Variants in GHR observed in about 807,000 individuals in gnomAD.
GHR encodes growth hormone receptor, also known as GH receptor.
A neutral mutation model predicts 67.1 loss-of-function variants in GHR; 35 were observed. That is an observed-to-expected ratio of 0.52 (90% CI 0.40 to 0.69). The LOEUF (loss-of-function observed/expected upper bound fraction) is 0.69, where lower values mean the gene tolerates loss of function less well. Ranked by LOEUF, GHR falls within the 30% of genes least tolerant of loss-of-function variation. The pLI, the probability that GHR is intolerant of heterozygous loss-of-function variation, is 0.00. For synonymous variants in GHR, 272 were observed against 269.1 expected (o/e 1.01, Z -0.10); for missense variants, 792 against 764.6 (o/e 1.04, Z -0.42).
intron 1 of GHR, among the ~76,000 whole-genome samples, chr5:42,520,243 A>C (rs1037263847): frequency 1.3e-5 from 2 of 152,164 alleles, no homozygotes; most frequent in African/African-American, 4.8e-5. Flanking sequence ...AACAGTGCCA[A>C]GACAAATCCT....
intron 1 of GHR, among the ~76,000 whole-genome samples, chr5:42,532,946 C>G (rs908978243): frequency 6.6e-6 from 1 of 152,088 alleles, no homozygotes; most frequent in South Asian, 2.1e-4. Context: ...GTTCTTCTCA[C>G]ATATATATCA....
intron 2 of GHR, among the ~76,000 whole-genome samples, chr5:42,584,608 A>G (rs1414438793): frequency 6.6e-6 from 1 of 152,172 alleles, no homozygotes; most frequent in Non-Finnish European, 1.5e-5. Context: ...GTGGTTTTTC[A>G]TAATTTTATC....
intron 1 of GHR, among the ~76,000 whole-genome samples, chr5:42,551,600 T>G (rs1005352597): frequency 6.6e-6 from 1 of 152,182 alleles, no homozygotes; most frequent in Non-Finnish European, 1.5e-5. Context: ...AGTAACCAAC[T>G]GGGTGAACCC....
intron 1 of GHR, among the ~76,000 whole-genome samples, chr5:42,503,259 A>G (rs764614575): frequency 6.6e-6 from 1 of 152,186 alleles, no homozygotes; most frequent in African/African-American, 2.4e-5. Context: ...CTTGTTTTGT[A>G]CTTAGAGGAT....
At chr5:42,587,417 G>A (rs376575476) in intron 2 of GHR, among the ~76,000 whole-genome samples, 22 of 152,040 alleles carry the variant, frequency 1.4e-4, no homozygotes, top group African/African-American at 5.3e-4. Context: ...TCTCTTTTTG[G>A]TTTTGATTTG....
chr5:42,594,583 A>T (rs989704682), intron 2 of GHR, among the ~76,000 whole-genome samples: 2 of 152,196 alleles, frequency 1.3e-5, no homozygotes, highest in African/African-American at 4.8e-5. Context: ...AGCAGTGCCA[A>T]CTGTGGACTC....
intron 3 of GHR, among the ~76,000 whole-genome samples, chr5:42,678,251 A>G (rs925193009): frequency 2.0e-5 from 3 of 152,226 alleles, no homozygotes; most frequent in Non-Finnish European, 4.4e-5. Context: ...TCTACCCAGT[A>G]TTATCAAAAG....
intron 1 of GHR, among the ~76,000 whole-genome samples, chr5:42,435,574 G>C (rs1182017154): frequency 6.6e-6 from 1 of 152,082 alleles, no homozygotes; most frequent in African/African-American, 2.4e-5. Context: ...AATTTTAGAG[G>C]TCCTGTATAT....
rs552257600 is a variant in GHR, at chr5:42,640,696, AT to A, written c.136+11594del. ...CTATACAGCCAAATTTGGAAAAAAA[AT>A]AAATTTAAAAATAAATATTCAGTGT... is the stretch of plus-strand genomic sequence containing the variant. On this transcript the variant is annotated intron_variant, in intron 3 of 9. Transcript: ENST00000230882. Among the ~76,000 whole-genome samples, 372 of 152,304 alleles carry A rather than the reference AT, an allele frequency of 2.4e-3. 1 individual carries two copies. The highest frequency in any genetic ancestry group is 0.01 in the Middle Eastern group (3 of 294).
intron 1 of GHR, among the ~76,000 whole-genome samples, chr5:42,551,339 G>C (rs750312258): frequency 2.6e-5 from 4 of 152,212 alleles, no homozygotes; most frequent in Non-Finnish European, 5.9e-5. Context: ...CAGCTAAGTT[G>C]CGGTGGGGAG....
chr5:42,696,954 A>G (rs1757702077), intron 5 of GHR, among the ~76,000 whole-genome samples: 1 of 152,226 alleles, frequency 6.6e-6, no homozygotes, highest in African/African-American at 2.4e-5. Flanking sequence ...TTGTCTCTTT[A>G]TTAATGCTCA....
Position 42,514,049 on chromosome 5 carries a change from T to G in GHR, c.-11-51815T>G, listed in dbSNP as rs991580836. 5 of 926,434 alleles carry G rather than the reference T, an allele frequency of 5.4e-6. No individual in the cohort carries two copies. In the African/African-American group the frequency reaches 8.9e-5, roughly 16 times the overall value. The allele number at this position is 926,434 out of a possible 1,614,324, so 57.4% of individuals were successfully genotyped here. On this transcript the variant is annotated intron_variant, in intron 1 of 9. Transcript: ENST00000230882. ...TGGAAAAGAAAAATAAAACAAAGCT[T>G]GCTTCACCCAGAATTTATTTTTTCT...
chr5:42,590,609 G>T (rs1298411229), intron 2 of GHR, among the ~76,000 whole-genome samples: 1 of 152,198 alleles, frequency 6.6e-6, no homozygotes, highest in African/African-American at 2.4e-5. Context: ...CTAACTGGAG[G>T]ATGTTAAAAA....
chr5:42,702,105 A>G (rs755880917), intron 6 of GHR, among the ~76,000 whole-genome samples: 10 of 152,294 alleles, frequency 6.6e-5, no homozygotes, highest in Admixed American at 1.3e-4. Context: ...AATACAATAC[A>G]TAAGCATTAA....
At chr5:42,629,172 C>A (rs1753838826) in intron 3 of GHR, 69 bp downstream of exon 3, 4 of 843,778 alleles carry the variant, frequency 4.7e-6, no homozygotes, top group Non-Finnish European at 7.8e-6. Context: ...AAGCTACTAT[C>A]CTTTCTCTAT....
chr5:42,503,588 T>G (rs1432331137), intron 1 of GHR, among the ~76,000 whole-genome samples: 2 of 152,168 alleles, frequency 1.3e-5, no homozygotes, highest in Non-Finnish European at 1.5e-5. Context: ...CCATTATAGG[T>G]GGTAGAGATT....
At chr5:42,508,543 C>T (rs560341227) in intron 1 of GHR, among the ~76,000 whole-genome samples, 1 of 152,260 alleles carries the variant, frequency 6.6e-6, no homozygotes, top group Admixed American at 6.5e-5. Flanking sequence ...GGATATTACA[C>T]ATTGCACCTA....
chr5:42,553,475 A>G (rs902760648), intron 1 of GHR, among the ~76,000 whole-genome samples: 5 of 152,064 alleles, frequency 3.3e-5, no homozygotes, highest in Admixed American at 6.6e-5. Flanking sequence ...ACAATATTCT[A>G]TGTACCCTCT....
intron 1 of GHR, among the ~76,000 whole-genome samples, chr5:42,483,290 A>T (rs922615068): frequency 6.6e-6 from 1 of 152,086 alleles, no homozygotes; most frequent in African/African-American, 2.4e-5. Context: ...GGGATCAAGC[A>T]GTCTGCCCAC....
Sources: gnomAD v4.1 joint callset for allele counts (sites outside exome capture counted in the v4.1 genomes callset) on GRCh38, gnomAD v4.1.1 for gene constraint, MANE v1.5 for transcripts, NCBI Gene and HGNC (gene_info 2026-07-23, HGNC 2026-07-21) for gene names.